SMURF1: variants seen among roughly 807,000 people sequenced by gnomAD.
SMURF1 encodes SMAD specific E3 ubiquitin protein ligase 1, also known as E3 ubiquitin-protein ligase SMURF1.
SMURF1 carries 44 observed loss-of-function variants against 98.0 expected under a neutral mutation model. The ratio of observed to expected loss-of-function variants is 0.45; its 90% CI spans 0.35 to 0.58. The LOEUF is 0.58. Among genes scored for constraint, SMURF1 ranks in the 20% least tolerant of loss-of-function variants. The probability of loss-of-function intolerance (pLI) is 0.00; values close to 1 mark genes in which losing one functional copy is unlikely to be tolerated. For synonymous variants in SMURF1, 396 were observed against 374.9 expected (o/e 1.06, Z -0.65); for missense variants, 687 against 938.4 (o/e 0.73, Z 3.50).
At chr7:99,140,061 C>G (rs1317950891) in intron 1 of SMURF1, among the ~76,000 whole-genome samples, 1 of 152,102 alleles carries the variant, frequency 6.6e-6, no homozygotes, top group African/African-American at 2.4e-5. Context: ...ATTGATATAT[C>G]CTGTGAGAAG....
chr7:99,108,861 C>T (rs1280096417), intron 1 of SMURF1, among the ~76,000 whole-genome samples: 3 of 152,018 alleles, frequency 2.0e-5, no homozygotes, highest in East Asian at 1.9e-4. Flanking sequence ...AAATTTGTGG[C>T]GTGACCGGAA....
rs1185273914 is a variant in SMURF1 at position 99,029,732 on chromosome 7, G to A, written c.*852C>T. 6 of 152,298 alleles carry A rather than the reference G, an allele frequency of 3.9e-5. No individual in the cohort carries two copies. Among genetic ancestry groups the A allele is most frequent in the African/African-American group, 1.4e-4 (6 of 41,556 alleles). 9.4% of individuals were successfully genotyped at this position (152,298 alleles called of 1,614,324 possible). The stretch of plus-strand genomic sequence containing the variant: ...TCGATGCTCTTCTATGGACAACAGT[G>A]GCACAGAGGTCACAGCTTTGGGACT... On this transcript the variant is annotated 3_prime_UTR_variant, in exon 18 of 18. Coordinates refer to ENST00000361368, the MANE Select transcript of SMURF1 (RefSeq NM_181349.3).
intron 16 of SMURF1, among the ~76,000 whole-genome samples, chr7:99,033,958 T>C (rs1190863394): frequency 6.6e-6 from 1 of 152,218 alleles, no homozygotes; most frequent in African/African-American, 2.4e-5. Context: ...CTCCTGTGTA[T>C]TCACAGATAC....
At chr7:99,047,959 G>C (rs548836507) in intron 9 of SMURF1, 77 bp from the exon 10 acceptor site, 3 of 1,356,208 alleles carry the variant, frequency 2.2e-6, no homozygotes, top group Non-Finnish European at 2.1e-6. Context: ...ACGCGACAGG[G>C]TCAGAGGAGA....
chr7:99,123,103 A>AT (rs1484708531), intron 1 of SMURF1, among the ~76,000 whole-genome samples: 1 of 78,082 alleles, frequency 1.3e-5, no homozygotes, highest in Non-Finnish European at 3.5e-5. Flanking sequence ...TGAAACTTTT[A>AT]TTTATTTTTT....
intron 1 of SMURF1, among the ~76,000 whole-genome samples, chr7:99,063,236 TTTA>T (rs1226902594): frequency 1.3e-4 from 1 of 7,776 alleles, no homozygotes; most frequent in Non-Finnish European, 9.6e-4. Flanking sequence ...ATATATAAGA[TTTA>T]TTTATATATA....
At chr7:99,055,485 T>TA (rs546111265) in intron 5 of SMURF1, among the ~76,000 whole-genome samples, 26 of 150,730 alleles carry the variant, frequency 1.7e-4, no homozygotes, top group Admixed American at 2.6e-4. Flanking sequence ...AATTAAAAAT[T>TA]AAAAAAAATA....
chr7:99,143,487 T>A (rs940438410), intron 1 of SMURF1, among the ~76,000 whole-genome samples: 1 of 79,020 alleles, frequency 1.3e-5, no homozygotes, highest in Non-Finnish European at 2.4e-5. Flanking sequence ...AGGGGGCAGG[T>A]GCGGGGGAAC....
At chr7:99,100,516 T>C (rs1368383699) in intron 1 of SMURF1, among the ~76,000 whole-genome samples, 1 of 152,132 alleles carries the variant, frequency 6.6e-6, no homozygotes, top group Non-Finnish European at 1.5e-5. Context: ...ATCGCACCAC[T>C]TCATTCCAGC....
intron 8 of SMURF1, chr7:99,050,734 A>G (rs563366018): frequency 4.4e-4 from 245 of 559,390 alleles, no homozygotes; most frequent in African/African-American, 4.0e-3. Context: ...TCATACATTA[A>G]ACATAGTCTT....
chr7:99,064,508 T>C (rs1312891298), intron 1 of SMURF1, among the ~76,000 whole-genome samples: 1 of 152,242 alleles, frequency 6.6e-6, no homozygotes, highest in Admixed American at 6.5e-5. Context: ...CCTGGTAGTT[T>C]GTGAATTTCC....
At chr7:99,090,057 A>G (rs1303454330) in intron 1 of SMURF1, among the ~76,000 whole-genome samples, 1 of 152,250 alleles carries the variant, frequency 6.6e-6, no homozygotes, top group East Asian at 1.9e-4. Flanking sequence ...TGGCAAATAT[A>G]TCTCCATGGC....
chr7:99,071,182 C>G (rs745737127), intron 1 of SMURF1, among the ~76,000 whole-genome samples: 37 of 152,148 alleles, frequency 2.4e-4, no homozygotes, highest in Non-Finnish European at 4.7e-4. Context: ...GCCTCAGCCC[C>G]CCTAGTAGCT....
intron 1 of SMURF1, among the ~76,000 whole-genome samples, chr7:99,078,597 G>A (rs1006664436): frequency 1.3e-5 from 2 of 150,706 alleles, no homozygotes; most frequent in African/African-American, 2.4e-5. Flanking sequence ...GTTTACAGCC[G>A]CTCCTGATCA....
chr7:99,052,428 G>C lies in SMURF1; in HGVS notation c.498C>G (p.Ser166=), dbSNP rs219797. Residue 166 remains serine, a synonymous_variant, in exon 7 of 18, where the codon TCC becomes TCG. Transcript: ENST00000361368. ...AGCAGCTGAGCGGCCTCCCAGGCCC[G>C]GAGTCTTCATACACCGTTCTGAAAG... is the stretch of plus-strand genomic sequence containing the variant. ...LENEGTVYED[S]GPGRPLSCFM... 837,275 of 1,579,302 alleles carry C rather than the reference G, an allele frequency of 0.53. 228,828 individuals are homozygous for C. The highest frequency in any genetic ancestry group is 0.9 in the African/African-American group (67,007 of 74,190).
intron 1 of SMURF1, among the ~76,000 whole-genome samples, chr7:99,137,232 C>T (rs1407142142): frequency 1.3e-5 from 2 of 152,094 alleles, no homozygotes; most frequent in African/African-American, 4.8e-5. Context: ...TAATACTGTG[C>T]TACTCTATAA....
At chr7:99,113,040 A>T (rs902458978) in intron 1 of SMURF1, among the ~76,000 whole-genome samples, 3 of 152,166 alleles carry the variant, frequency 2.0e-5, no homozygotes, top group Admixed American at 2.0e-4. Context: ...GTGGAATACC[A>T]TCTGGCATAA....
At chr7:99,065,769 TGGG>T (rs1796173238) in intron 1 of SMURF1, among the ~76,000 whole-genome samples, 1 of 151,878 alleles carries the variant, frequency 6.6e-6, no homozygotes, top group South Asian at 2.1e-4. Context: ...CAAGCGAGGC[TGGG>T]CGCGGTGGCT....
intron 1 of SMURF1, among the ~76,000 whole-genome samples, chr7:99,099,034 A>G (rs748639211): frequency 1.3e-5 from 2 of 152,174 alleles, no homozygotes; most frequent in Non-Finnish European, 2.9e-5. Context: ...ATTCTATAGA[A>G]AGAACATGTG....
Sources: allele counts gnomAD v4.1 joint callset (sites outside exome capture counted in the v4.1 genomes callset), GRCh38; gene constraint gnomAD v4.1.1; transcripts MANE v1.5; gene names NCBI Gene and HGNC (gene_info 2026-07-23, HGNC 2026-07-21).